Variants in TLL1 observed in about 807,000 individuals in gnomAD.
TLL1 encodes the protein tolloid-like protein 1.
A neutral mutation model predicts 128.2 loss-of-function variants in TLL1; 49 were observed. The observed-to-expected ratio is 0.38, with a 90% CI of 0.30 to 0.48. TLL1 has a LOEUF of 0.48. Among genes scored for constraint, TLL1 ranks in the 20% least tolerant of loss-of-function variants. The probability of loss-of-function intolerance (pLI) is 0.96; values close to 1 mark genes in which losing one functional copy is unlikely to be tolerated. For missense variants in TLL1, 1,123 were observed against 1,242.0 expected (o/e 0.90, Z 1.44); for synonymous variants, 454 against 418.8 (o/e 1.08, Z -1.03).
chr4:165,920,553 AG>A (rs1224180119), intron 1 of TLL1, among the ~76,000 whole-genome samples: 1 of 152,214 alleles, frequency 6.6e-6, no homozygotes, highest in Non-Finnish European at 1.5e-5. Flanking sequence ...GAGAAATTGT[AG>A]GGGAATAGAA....
intron 15 of TLL1, among the ~76,000 whole-genome samples, chr4:166,060,796 G>GCA (rs748667660): frequency 1.3e-5 from 2 of 151,990 alleles, no homozygotes; most frequent in African/African-American, 4.8e-5. Context: ...TTGTGCTAGT[G>GCA]CACACACACA....
In TLL1 at chr4:166,101,113, C is replaced by T. The variant is rs1742266528; in HGVS notation, c.*237C>T. On this transcript the variant is annotated 3_prime_UTR_variant, in exon 21 of 21. Transcript: ENST00000061240. ...ATTAATAAAGCTGGTGAAAGGGCAT[C>T]ATATACTTCAAGGAAGACTCTACAA... 4.1e-6 allele frequency: 2 copies of T among 488,512 alleles called. No homozygotes were observed. Among genetic ancestry groups the T allele is most frequent in the Non-Finnish European group, 7.4e-6 (2 of 271,742 alleles). The allele number at this position is 488,512 out of a possible 1,614,324, so 30.3% of individuals were successfully genotyped here.
intron 16 of TLL1, among the ~76,000 whole-genome samples, chr4:166,072,471 T>C (rs1740839144): frequency 6.6e-6 from 1 of 151,958 alleles, no homozygotes; most frequent in Non-Finnish European, 1.5e-5. Context: ...ATCATTATTA[T>C]TATTATTTTT....
chr4:165,890,534 G>A (rs770334754), intron 1 of TLL1, among the ~76,000 whole-genome samples: 2 of 152,180 alleles, frequency 1.3e-5, no homozygotes, highest in Non-Finnish European at 2.9e-5. Flanking sequence ...AAAACATAGG[G>A]GCTATACGCC....
intron 8 of TLL1, among the ~76,000 whole-genome samples, chr4:166,018,996 C>T (rs898130065): frequency 1.7e-4 from 26 of 152,220 alleles, no homozygotes; most frequent in African/African-American, 6.3e-4. Flanking sequence ...CAGAAGGGCA[C>T]ATGCATTCTC....
At chr4:166,074,337 T>C (rs1740923772) in intron 16 of TLL1, among the ~76,000 whole-genome samples, 1 of 151,294 alleles carries the variant, frequency 6.6e-6, no homozygotes, top group South Asian at 2.1e-4. Flanking sequence ...ATGCTAAGCA[T>C]AACTGCAGAG....
chr4:165,980,065 A>G (rs1199749150), intron 1 of TLL1, among the ~76,000 whole-genome samples: 1 of 152,180 alleles, frequency 6.6e-6, no homozygotes, highest in Non-Finnish European at 1.5e-5. Flanking sequence ...TATCCATGTT[A>G]TCATTAAACA....
chr4:166,006,979 G>C (rs1465651096), intron 6 of TLL1, among the ~76,000 whole-genome samples: 1 of 151,624 alleles, frequency 6.6e-6, no homozygotes, highest in Non-Finnish European at 1.5e-5. Context: ...AAAAACCTAA[G>C]TAGATGAATG....
At position 166,093,279 on chromosome 4, in the gene TLL1, C is replaced by T. The variant is rs184841063; in HGVS notation, c.2656+1938C>T. ...TTTCACTATCTCAGCAAGAGGAATG[C>T]GCTAGGAGAGCAGGGTGATAATAGG... On this transcript the variant is annotated intron_variant, in intron 19 of 20. Transcript: ENST00000061240. 1.3e-3 allele frequency among the ~76,000 whole-genome samples: 194 copies of T among 152,184 alleles called. 1 individual carries two copies. The highest frequency in any genetic ancestry group is 4.0e-3 in the African/African-American group (166 of 41,538).
rs1369303402 is a variant in TLL1 at position 166,103,345 on chromosome 4, A to T, written c.*2469A>T. 1 of 151,902 alleles carries T rather than the reference A, an allele frequency of 6.6e-6. No homozygotes were observed. Among genetic ancestry groups the T allele is most frequent in the Non-Finnish European group, 1.5e-5 (1 of 67,890 alleles). The allele number at this position is 151,902 out of a possible 1,614,324, so 9.4% of individuals were successfully genotyped here. On this transcript the variant is annotated 3_prime_UTR_variant, in exon 21 of 21. Transcript: ENST00000061240. ...TAGAATACCAATGATAGCTATCTTT[A>T]AGAATCAGAATTAGTACTAGAAATT...
chr4:166,008,896 T>C (rs531914225), intron 7 of TLL1, among the ~76,000 whole-genome samples: 1 of 151,510 alleles, frequency 6.6e-6, no homozygotes, highest in African/African-American at 2.4e-5. Flanking sequence ...TTCAAATGTA[T>C]TAAGCTGCTT....
intron 1 of TLL1, among the ~76,000 whole-genome samples, chr4:165,949,142 G>T (rs1734391843): frequency 6.6e-6 from 1 of 152,106 alleles, no homozygotes; most frequent in Non-Finnish European, 1.5e-5. Context: ...GAGAGACTGG[G>T]AACATGAGAA....
At position 165,873,797 on chromosome 4, in the gene TLL1, C is replaced by T. The variant is rs1427264783; in HGVS notation, c.-108C>T. 13 of 1,319,808 alleles carry T rather than the reference C, an allele frequency of 9.8e-6. No homozygotes were observed. Among genetic ancestry groups the T allele is most frequent in the African/African-American group, 1.5e-5 (1 of 68,790 alleles). The allele number at this position is 1,319,808 out of a possible 1,614,324, so 81.8% of individuals were successfully genotyped here. A position where few individuals can be genotyped will look rare whatever the true frequency, so the allele number is the denominator to read the frequency against. On this transcript the variant is annotated 5_prime_UTR_variant, in exon 1 of 21. Transcript: ENST00000061240. ...GAGCACCCCGGTCCCGCCGAGGAGCCTCCGGGTGGGGAGAAGAGCACCGGT... is the reference window on the plus strand; with the variant it reads ...GAGCACCCCGGTCCCGCCGAGGAGCTTCCGGGTGGGGAGAAGAGCACCGGT...
At chr4:165,988,200 T>C (rs540426344) in intron 1 of TLL1, among the ~76,000 whole-genome samples, 92 of 152,228 alleles carry the variant, frequency 6.0e-4, no homozygotes, top group African/African-American at 2.1e-3. Context: ...TACACTAATA[T>C]ATATGACGAA....
In TLL1 at chr4:166,017,479, G is replaced by A. The variant is rs79233903; in HGVS notation, c.1042+2919G>A. On this transcript the variant is annotated intron_variant, in intron 8 of 20. Coordinates refer to ENST00000061240, the MANE Select transcript of TLL1 (RefSeq NM_012464.5). ...AGTAATGAGATGGCAGGGTTGAATT[G>A]TTGTTGTGTTTTAAGTTCTTTGAGA... is the stretch of plus-strand genomic sequence containing the variant. Among the ~76,000 whole-genome samples, 163 of 152,216 alleles carry A rather than the reference G, an allele frequency of 1.1e-3. 3 individuals are homozygous for A. In the East Asian group the frequency reaches 0.027, roughly 25 times the overall value.
intron 19 of TLL1, among the ~76,000 whole-genome samples, chr4:166,097,190 A>G (rs1234225268): frequency 6.6e-6 from 1 of 152,088 alleles, no homozygotes; most frequent in East Asian, 1.9e-4. Context: ...CACCTGGGCA[A>G]TTTGACTGGG....
intron 1 of TLL1, among the ~76,000 whole-genome samples, chr4:165,940,514 CACAT>C (rs1325617267): frequency 1.3e-5 from 2 of 151,896 alleles, no homozygotes; most frequent in African/African-American, 4.8e-5. Context: ...CACACACTGA[CACAT>C]ATATATATTC....
chr4:165,876,966 G>A (rs1730748912), intron 1 of TLL1, among the ~76,000 whole-genome samples: 1 of 152,198 alleles, frequency 6.6e-6, no homozygotes, highest in Non-Finnish European at 1.5e-5. Flanking sequence ...TCACAGGAAT[G>A]GATTACTACT....
In TLL1 at chr4:165,940,039, A is replaced by C. The variant is rs1313259611; in HGVS notation, c.170-49342A>C. 2.6e-5 allele frequency among the ~76,000 whole-genome samples: 4 copies of C among 152,164 alleles called. No homozygotes were observed. The East Asian group carries it at 7.7e-4, about 29-fold the overall frequency. ...TCTATTCTACCTCTTATACATGGAT[A>C]CAATTCAGATTTTTATTATTGTCCT... On this transcript the variant is annotated intron_variant, in intron 1 of 20. Coordinates refer to ENST00000061240, the MANE Select transcript of TLL1 (RefSeq NM_012464.5).
Sources: allele counts gnomAD v4.1 joint callset (sites outside exome capture counted in the v4.1 genomes callset), GRCh38; gene constraint gnomAD v4.1.1; transcripts MANE v1.5; gene names NCBI Gene and HGNC (gene_info 2026-07-23, HGNC 2026-07-21).